The following LGALS9B variants were observed in gnomAD, a reference collection of about 807,000 sequenced individuals.
LGALS9B encodes galectin-9B.
LGALS9B carries 8 observed loss-of-function variants against 35.9 expected under a neutral mutation model. That is an observed-to-expected ratio of 0.22 (90% CI 0.13 to 0.40). The LOEUF is 0.40. LGALS9B is among the 10% of genes least tolerant of loss of function. The pLI is 1.00. For synonymous variants in LGALS9B, 42 were observed against 148.6 expected (o/e 0.28, Z 5.22); for missense variants, 101 against 397.9 (o/e 0.25, Z 6.35).
At chr17:20,462,491 A>G (rs2042734743) in intron 1 of LGALS9B, among the ~76,000 whole-genome samples, 1 of 59,716 alleles carries the variant, frequency 1.7e-5, no homozygotes, top group Non-Finnish European at 3.9e-5. Flanking sequence ...ATGTGACCAC[A>G]CAGCACCCTG....
At chr17:20,453,299 T>A (rs1400450675) in intron 6 of LGALS9B, 1 of 494,050 alleles carries the variant, frequency 2.0e-6, no homozygotes, top group African/African-American at 1.9e-5. Flanking sequence ...CGGGGAAACG[T>A]CTCTCAGCCT....
At position 20,458,302 on chromosome 17, in the gene LGALS9B, C is replaced by T; in HGVS notation, c.214G>A (p.Val72Met). ...FNPRFEDGGYVVCNTRQKGRW... is the reference protein window; with the variant it reads ...FNPRFEDGGYMVCNTRQKGRW... ...CCTTTCTGCCTCGTGTTGCACACCA[C>T]ATACCCTCCGTCTTCAAACCGAGGG... The change falls in exon 3 of 11, where the codon GTG becomes ATG. Residue 72 changes from valine to methionine, a missense_variant. Physicochemically the swap from Val to Met is conservative, Grantham distance 21. Coordinates refer to ENST00000423676, the MANE Select transcript of LGALS9B (RefSeq NM_001367292.2). 1 of 1,613,934 alleles carries T rather than the reference C, an allele frequency of 6.2e-7. No homozygotes were observed. Among genetic ancestry groups the T allele is most frequent in the East Asian group, 2.2e-5 (1 of 44,866 alleles).
At chr17:20,461,185 G>A (rs139007361) in intron 1 of LGALS9B, among the ~76,000 whole-genome samples, 14 of 151,556 alleles carry the variant, frequency 9.2e-5, no homozygotes, top group East Asian at 3.9e-4. Context: ...GGCATGCATC[G>A]TTTTGGAGTC....
chr17:20,455,391 C>A lies in LGALS9B; in HGVS notation c.452G>T (p.Arg151Leu). Residue 151 changes from arginine (R) to leucine (L), a missense_variant, in exon 5 of 11, where the codon CGC (arginine) becomes CTC (leucine). Coordinates refer to ENST00000423676, the MANE Select transcript of LGALS9B (RefSeq NM_001367292.2). ...GAAGGCAGGCTGAACGGGGACTGTG[C>A]GGGGATTCTGTTAAAACAAAAGGCA... The part of the protein sequence containing the change: ...QLSYISFQNP[R>L]TVPVQPAFST... The A allele has an allele frequency of 8.8e-6, 12 of 1,356,510 alleles. 3 individuals are homozygous for A. The highest frequency in any genetic ancestry group is 1.2e-5 in the Non-Finnish European group (12 of 970,164). The allele number at this position is 1,356,510 out of a possible 1,614,324, so 84.0% of individuals were successfully genotyped here.
intron 8 of LGALS9B, 158 bp from the exon 9 acceptor site, chr17:20,452,041 G>A (rs1035084198): frequency 1.7e-5 from 18 of 1,037,210 alleles, no homozygotes; most frequent in African/African-American, 7.6e-5. Context: ...AAAACTTTCC[G>A]GTGCTCCTCA....
In LGALS9B at chr17:20,450,516, A is replaced by G. The variant is rs1597493605; in HGVS notation, c.925-397T>C. ...CCCTTTGCAATAGCTGACACTCTTA[A>G]CACACATGCCATGTGTAAGGCACTG... On this transcript the variant is annotated intron_variant, in intron 10 of 10. Transcript: ENST00000423676. 2.1e-5 allele frequency among the ~76,000 whole-genome samples: 2 copies of G among 95,958 alleles called. 1 individual carries two copies. The allele number at this position is 95,958 out of a possible 152,430, so 63.0% of individuals were successfully genotyped here. A position where few individuals can be genotyped will look rare whatever the true frequency, so the allele number is the denominator to read the frequency against.
intron 8 of LGALS9B, 81 bp from the exon 9 acceptor site, chr17:20,451,964 A>G: frequency 1.5e-6 from 2 of 1,349,750 alleles, no homozygotes; most frequent in South Asian, 1.2e-5. Flanking sequence ...ACCATTTCCC[A>G]TGAATTTAGG....
At chr17:20,460,593 C>G in intron 1 of LGALS9B, 150 bp from the exon 2 acceptor site, 1 of 767,460 alleles carries the variant, frequency 1.3e-6, no homozygotes, top group Non-Finnish European at 2.1e-6. Flanking sequence ...CTCAGCCCCA[C>G]GGGTCTTAGG....
intron 1 of LGALS9B, among the ~76,000 whole-genome samples, chr17:20,466,603 C>T (rs1397945366): frequency 6.8e-6 from 1 of 145,998 alleles, no homozygotes; most frequent in East Asian, 2.0e-4. Context: ...CCTGGGGCTG[C>T]CACTCCCATC....
At chr17:20,460,218 G>T (rs2042716411) in intron 2 of LGALS9B, 134 bp downstream of exon 2, 5 of 1,233,718 alleles carry the variant, frequency 4.1e-6, no homozygotes, top group Non-Finnish European at 5.9e-6. Context: ...CATGGGTTAA[G>T]GATGCATTGG....
chr17:20,458,310 C>T lies in LGALS9B; in HGVS notation c.206G>A (p.Gly69Glu). 6.2e-7 allele frequency: 1 copy of T among 1,613,838 alleles called. No homozygotes were observed. ...CCTCGTGTTGCACACCACATACCCT[C>T]CGTCTTCAAACCGAGGGTTGAAGTG... ...AFHFNPRFEDGGYVVCNTRQK... is the reference protein window; with the variant it reads ...AFHFNPRFEDEGYVVCNTRQK... Residue 69 changes from glycine (G) to glutamate (E), a missense_variant, in exon 3 of 11, where the codon GGA becomes GAA. By Grantham distance (98) the Gly-to-Glu change is moderately conservative. Coordinates refer to ENST00000423676, the MANE Select transcript of LGALS9B (RefSeq NM_001367292.2).
In LGALS9B at chr17:20,455,614, C is replaced by G. The variant is rs950979243; in HGVS notation, c.445-216G>C. Reference sequence around the variant, plus strand: ...TCCAGCTCTTCCCTCCCCTTCCACCCGCAGGGGAGAGAGTCAGGGAAGGAG... The same window carrying G: ...TCCAGCTCTTCCCTCCCCTTCCACCGGCAGGGGAGAGAGTCAGGGAAGGAG... On this transcript the variant is annotated intron_variant, in intron 4 of 10. Coordinates refer to ENST00000423676, the MANE Select transcript of LGALS9B (RefSeq NM_001367292.2). Among the ~76,000 whole-genome samples, 3 of 136,420 alleles carry G rather than the reference C, an allele frequency of 2.2e-5. 1 individual carries two copies. The highest frequency in any genetic ancestry group is 7.6e-5 in the Admixed American group (1 of 13,206). 89.5% of individuals were successfully genotyped at this position (136,420 alleles called of 152,430 possible).
At chr17:20,456,142 G>A (rs934490527) in intron 4 of LGALS9B, among the ~76,000 whole-genome samples, 1 of 152,094 alleles carries the variant, frequency 6.6e-6, no homozygotes, top group Admixed American at 6.6e-5. Context: ...ACCACCCATG[G>A]GGGCCAGGCA....
chr17:20,466,379 A>G (rs951083085), intron 1 of LGALS9B, among the ~76,000 whole-genome samples: 2 of 151,782 alleles, frequency 1.3e-5, no homozygotes, highest in African/African-American at 4.8e-5. Flanking sequence ...GAGGGCACCC[A>G]AGCCCGACCC....
Position 20,449,841 on chromosome 17 carries a change from T to C in LGALS9B, c.*132A>G. 2.1e-6 allele frequency: 1 copy of C among 470,710 alleles called. No individual in the cohort carries two copies. Among genetic ancestry groups the C allele is most frequent in the Admixed American group, 4.3e-5 (1 of 23,026 alleles). The allele number at this position is 470,710 out of a possible 1,614,324, so 29.2% of individuals were successfully genotyped here. On this transcript the variant is annotated 3_prime_UTR_variant, in exon 11 of 11. Transcript: ENST00000423676. ...GGCTGTAGCCAGAAGCAGGACCAGA[T>C]AAGGACATGGCCTCTGCATTAAAGC...
chr17:20,467,285 G>A (rs996965114), intron 1 of LGALS9B, 147 bp downstream of exon 1: 16 of 598,358 alleles, frequency 2.7e-5, no homozygotes, highest in East Asian at 1.1e-4. Flanking sequence ...GTGCCAGGAC[G>A]ACCCCCACTG....
intron 1 of LGALS9B, among the ~76,000 whole-genome samples, chr17:20,466,425 G>A (rs1423407574): frequency 5.3e-5 from 8 of 150,812 alleles, no homozygotes; most frequent in Admixed American, 2.6e-4. Context: ...CAGCTTCCCT[G>A]CCCTCAGCAC....
At chr17:20,458,538 C>A (rs979901861) in intron 2 of LGALS9B, among the ~76,000 whole-genome samples, 154 bp from the exon 3 acceptor site, 5 of 151,942 alleles carry the variant, frequency 3.3e-5, no homozygotes, top group Non-Finnish European at 7.3e-5. Flanking sequence ...TTTTGTTTCT[C>A]TAATTTGGAT....
At chr17:20,451,957 A>G in intron 8 of LGALS9B, 74 bp from the exon 9 acceptor site, 1 of 1,348,914 alleles carries the variant, frequency 7.4e-7, no homozygotes, top group Non-Finnish European at 1.0e-6. Context: ...AGATTGTACC[A>G]TTTCCCATGA....
Sources: gnomAD v4.1 joint callset for allele counts (sites outside exome capture counted in the v4.1 genomes callset) on GRCh38, gnomAD v4.1.1 for gene constraint, MANE v1.5 for transcripts, NCBI Gene and HGNC (gene_info 2026-07-23, HGNC 2026-07-21) for gene names.